Variants in TMEM132D observed in about 807,000 individuals in gnomAD.
The protein encoded by TMEM132D is transmembrane protein 132D.
In TMEM132D, 21 loss-of-function variants were observed where a neutral mutation model predicts 62.3. The ratio of observed to expected loss-of-function variants is 0.34; its 90% CI spans 0.24 to 0.49. The LOEUF is 0.49. Among genes scored for constraint, TMEM132D ranks in the 20% least tolerant of loss-of-function variants. TMEM132D has a pLI of 0.99. For missense variants in TMEM132D, 1,346 were observed against 1,402.8 expected (o/e 0.96, Z 0.65); for synonymous variants, 621 against 575.6 (o/e 1.08, Z -1.13).
At chr12:129,531,720 C>A (rs1420730260) in intron 2 of TMEM132D, among the ~76,000 whole-genome samples, 1 of 152,252 alleles carries the variant, frequency 6.6e-6, no homozygotes, top group Non-Finnish European at 1.5e-5. Flanking sequence ...GGGGAAGGAA[C>A]AATGATGGCC....
Position 129,384,294 on chromosome 12 carries a change from C to A in TMEM132D, c.1116-46477G>T, listed in dbSNP as rs1031754145. ...CAAACAAGTGAAAATAAACAAATGG[C>A]GGCTGGCAACACATTGTGTCACAGA... On this transcript the variant is annotated intron_variant, in intron 3 of 8. Coordinates refer to ENST00000422113, the MANE Select transcript of TMEM132D (RefSeq NM_133448.3). Among the ~76,000 whole-genome samples the A allele has an allele frequency of 2.0e-5, 3 of 152,122 alleles. No homozygotes were observed. The East Asian group carries it at 5.8e-4, about 29-fold the overall frequency.
At chr12:129,153,322 A>G (rs530977419) in intron 5 of TMEM132D, among the ~76,000 whole-genome samples, 1 of 152,314 alleles carries the variant, frequency 6.6e-6, no homozygotes, top group Non-Finnish European at 1.5e-5. Flanking sequence ...CACCAAATGC[A>G]GAATTTAAAT....
At chr12:129,900,754 A>C in intron 1 of TMEM132D, among the ~76,000 whole-genome samples, 1 of 152,164 alleles carries the variant, frequency 6.6e-6, no homozygotes. Context: ...GCACCATTGC[A>C]AACTACATCA....
At chr12:129,594,667 T>C (rs1878284917) in intron 2 of TMEM132D, among the ~76,000 whole-genome samples, 1 of 152,210 alleles carries the variant, frequency 6.6e-6, no homozygotes, top group Non-Finnish European at 1.5e-5. Context: ...CTAAGTCCTG[T>C]GGAAGTTCTC....
intron 2 of TMEM132D, among the ~76,000 whole-genome samples, chr12:129,532,426 A>C (rs1329975639): frequency 6.6e-6 from 1 of 152,232 alleles, no homozygotes; most frequent in African/African-American, 2.4e-5. Flanking sequence ...TATTAGGGAC[A>C]AAAGGCGAGG....
At chr12:129,219,503 G>A (rs568088813) in intron 4 of TMEM132D, among the ~76,000 whole-genome samples, 7 of 152,336 alleles carry the variant, frequency 4.6e-5, no homozygotes, top group South Asian at 2.1e-4. Context: ...CCAAGAGGGC[G>A]TATAAGGGCA....
intron 2 of TMEM132D, among the ~76,000 whole-genome samples, chr12:129,616,357 C>A (rs1878917712): frequency 6.6e-6 from 1 of 152,236 alleles, no homozygotes; most frequent in South Asian, 2.1e-4. Flanking sequence ...GAGAGGGACA[C>A]CATGACTGAG....
At chr12:129,216,117 G>A (rs56267304) in intron 4 of TMEM132D, among the ~76,000 whole-genome samples, 11,992 of 152,216 alleles carry the variant, frequency 0.079, 684 homozygotes, top group Non-Finnish European at 0.12. Flanking sequence ...GTGGCTCCAA[G>A]CAAGTTACTT....
rs183691918 is a variant in TMEM132D, at chr12:129,449,311, A to T, written c.1115+81748T>A. 1.3e-3 allele frequency among the ~76,000 whole-genome samples: 198 copies of T among 152,326 alleles called. 1 individual carries two copies. Among genetic ancestry groups the T allele is most frequent in the African/African-American group, 4.2e-3 (174 of 41,574 alleles). On this transcript the variant is annotated intron_variant, in intron 3 of 8. Transcript: ENST00000422113. ...GAATGCTTTGAGAATAAGTTAGGTG[A>T]TGTTTAGAGCCATGCTTAGTCCTGC...
At chr12:129,230,888 A>G (rs1879619588) in intron 4 of TMEM132D, among the ~76,000 whole-genome samples, 1 of 152,222 alleles carries the variant, frequency 6.6e-6, no homozygotes, top group Non-Finnish European at 1.5e-5. Flanking sequence ...TGTCACATCC[A>G]TGAGATCATT....
intron 2 of TMEM132D, among the ~76,000 whole-genome samples, chr12:129,585,020 T>C (rs565468762): frequency 6.6e-6 from 1 of 152,030 alleles, no homozygotes; most frequent in Non-Finnish European, 1.5e-5. Flanking sequence ...ATGAAGAAAA[T>C]ACTAGTATCA....
At chr12:129,631,124 G>T (rs1000642936) in intron 2 of TMEM132D, among the ~76,000 whole-genome samples, 2 of 152,168 alleles carry the variant, frequency 1.3e-5, no homozygotes, top group Non-Finnish European at 2.9e-5. Context: ...ACAATGGGGT[G>T]CAGAGATGCT....
intron 3 of TMEM132D, among the ~76,000 whole-genome samples, chr12:129,435,705 C>A (rs1202637988): frequency 3.9e-5 from 6 of 152,148 alleles, no homozygotes; most frequent in Non-Finnish European, 8.8e-5. Context: ...TGCTTCTTAA[C>A]CTTCATTTTA....
chr12:129,424,451 G>T (rs1872428436), intron 3 of TMEM132D, among the ~76,000 whole-genome samples: 1 of 152,040 alleles, frequency 6.6e-6, no homozygotes, highest in South Asian at 2.1e-4. Flanking sequence ...TGTTTTCAAA[G>T]ACATCTCGGG....
chr12:129,413,971 C>G (rs528418550), intron 3 of TMEM132D, among the ~76,000 whole-genome samples: 52 of 152,314 alleles, frequency 3.4e-4, no homozygotes, highest in African/African-American at 1.2e-3. Flanking sequence ...CTACTTCCAG[C>G]CAGAACACAA....
intron 4 of TMEM132D, among the ~76,000 whole-genome samples, chr12:129,321,669 G>A (rs1175691852): frequency 6.6e-6 from 1 of 151,984 alleles, no homozygotes; most frequent in Non-Finnish European, 1.5e-5. Flanking sequence ...CCATTCTCCT[G>A]CTTCAGCCTC....
intron 4 of TMEM132D, among the ~76,000 whole-genome samples, chr12:129,234,612 C>T (rs957676992): frequency 6.6e-6 from 1 of 152,116 alleles, no homozygotes; most frequent in Non-Finnish European, 1.5e-5. Flanking sequence ...TCTGCTTTTA[C>T]AAAAATGAAG....
intron 1 of TMEM132D, among the ~76,000 whole-genome samples, chr12:129,895,272 C>G (rs1875070200): frequency 6.6e-6 from 1 of 152,208 alleles, no homozygotes; most frequent in Non-Finnish European, 1.5e-5. Flanking sequence ...CAGACCTCTT[C>G]ATTTGTTTGT....
intron 5 of TMEM132D, among the ~76,000 whole-genome samples, chr12:129,134,410 C>T (rs569452520): frequency 5.3e-5 from 8 of 152,206 alleles, no homozygotes; most frequent in Non-Finnish European, 8.8e-5. Context: ...GATTGTTGTC[C>T]CCTGCTCACT....
Sources: gnomAD v4.1 joint callset for allele counts (sites outside exome capture counted in the v4.1 genomes callset) on GRCh38, gnomAD v4.1.1 for gene constraint, MANE v1.5 for transcripts, NCBI Gene and HGNC (gene_info 2026-07-23, HGNC 2026-07-21) for gene names.